Variants in ST6GALNAC3 observed in about 807,000 individuals in gnomAD.
ST6GALNAC3 encodes the protein ST6 N-acetylgalactosaminide alpha-2,6-sialyltransferase 3.
In ST6GALNAC3, 25 loss-of-function variants were observed where a neutral mutation model predicts 32.7. The observed-to-expected ratio is 0.76, with a 90% CI of 0.56 to 1.07. The LOEUF (loss-of-function observed/expected upper bound fraction) is 1.07, where lower values mean the gene tolerates loss of function less well. ST6GALNAC3 is among the 50% of genes least tolerant of loss of function. The pLI is 0.00. For synonymous variants in ST6GALNAC3, 129 were observed against 133.1 expected, an observed-to-expected ratio of 0.97 and a Z score of 0.21; for missense variants, 355 against 382.4, an observed-to-expected ratio of 0.93 and a Z score of 0.60.
chr1:76,280,430 T>C (rs1019777900), intron 1 of ST6GALNAC3, among the ~76,000 whole-genome samples: 1 of 152,202 alleles, frequency 6.6e-6, no homozygotes, highest in Admixed American at 6.5e-5. Context: ...TCTTGCATAG[T>C]ACTTTCAGCA....
At chr1:76,287,499 G>A (rs972786846) in intron 1 of ST6GALNAC3, among the ~76,000 whole-genome samples, 32 of 148,764 alleles carry the variant, frequency 2.2e-4, no homozygotes, top group Admixed American at 6.1e-4. Flanking sequence ...CTCCCCAACC[G>A]CCAAGATAAC....
intron 1 of ST6GALNAC3, among the ~76,000 whole-genome samples, chr1:76,184,400 G>A (rs1425188934): frequency 6.6e-6 from 1 of 152,078 alleles, no homozygotes; most frequent in Non-Finnish European, 1.5e-5. Context: ...TTAGCCGGGT[G>A]TGGTGGCGCA....
intron 1 of ST6GALNAC3, among the ~76,000 whole-genome samples, chr1:76,133,654 A>G (rs1293706580): frequency 1.3e-5 from 2 of 152,240 alleles, no homozygotes; most frequent in African/African-American, 2.4e-5. Flanking sequence ...CGCAGTAAGT[A>G]TCTTTGGCAA....
At chr1:76,338,357 A>G (rs1328756983) in intron 2 of ST6GALNAC3, among the ~76,000 whole-genome samples, 1 of 152,182 alleles carries the variant, frequency 6.6e-6, no homozygotes, top group Admixed American at 6.5e-5. Context: ...TTTATGCTCG[A>G]TGCAGCCAAA....
chr1:76,304,034 AAAAAG>A (rs1376418657), intron 1 of ST6GALNAC3, among the ~76,000 whole-genome samples: 4 of 152,076 alleles, frequency 2.6e-5, no homozygotes, highest in Non-Finnish European at 5.9e-5. Flanking sequence ...ATTAAGAAAA[AAAAAG>A]AAAATTGCCT....
At chr1:76,488,555 A>T (rs1037929219) in intron 3 of ST6GALNAC3, among the ~76,000 whole-genome samples, 2 of 152,236 alleles carry the variant, frequency 1.3e-5, no homozygotes, top group Non-Finnish European at 2.9e-5. Flanking sequence ...TGCTGTATTT[A>T]TACAGGCTGG....
intron 1 of ST6GALNAC3, among the ~76,000 whole-genome samples, chr1:76,177,050 A>G (rs1294198526): frequency 6.6e-6 from 1 of 152,216 alleles, no homozygotes; most frequent in Non-Finnish European, 1.5e-5. Context: ...ACTCTAGCTT[A>G]GGCAACAGAG....
chr1:76,570,905 T>C (rs1341973516), intron 3 of ST6GALNAC3, among the ~76,000 whole-genome samples: 1 of 152,054 alleles, frequency 6.6e-6, no homozygotes, highest in Non-Finnish European at 1.5e-5. Context: ...TTTGTTCATA[T>C]TCCCAGCCTG....
intron 1 of ST6GALNAC3, among the ~76,000 whole-genome samples, chr1:76,268,024 A>G (rs948316239): frequency 2.6e-5 from 4 of 152,228 alleles, no homozygotes; most frequent in South Asian, 4.1e-4. Context: ...TCCGTTCCCT[A>G]TAGGACTCAC....
rs145907086 is a variant in ST6GALNAC3 at position 76,464,434 on chromosome 1, T to C, written c.623+52017T>C. 2.8e-3 allele frequency among the ~76,000 whole-genome samples: 424 copies of C among 152,310 alleles called. 1 individual carries two copies. The highest frequency in any genetic ancestry group is 9.6e-3 in the African/African-American group (401 of 41,576). On this transcript the variant is annotated intron_variant, in intron 3 of 4. Transcript: ENST00000328299. Reference sequence around the variant, plus strand: ...ATAGGTCAGAGCCTTCATTGTTAATTACCTAGTTCACTAGGCTTTGTTACA... The same window carrying C: ...ATAGGTCAGAGCCTTCATTGTTAATCACCTAGTTCACTAGGCTTTGTTACA...
intron 2 of ST6GALNAC3, among the ~76,000 whole-genome samples, chr1:76,404,109 G>A: frequency 6.6e-6 from 1 of 151,852 alleles, no homozygotes; most frequent in East Asian, 1.9e-4. Flanking sequence ...ACATTTTTAT[G>A]CACCCCCATA....
At chr1:76,309,598 A>G (rs1038224709) in intron 1 of ST6GALNAC3, among the ~76,000 whole-genome samples, 1 of 152,142 alleles carries the variant, frequency 6.6e-6, no homozygotes, top group South Asian at 2.1e-4. Flanking sequence ...TCTGGAGCAC[A>G]CAGTGTACTT....
At chr1:76,277,590 G>GTATATATA (rs373731545) in intron 1 of ST6GALNAC3, among the ~76,000 whole-genome samples, 7 of 46,288 alleles carry the variant, frequency 1.5e-4, no homozygotes, top group South Asian at 6.0e-4. Context: ...ATGTTTATGT[G>GTATATATA]TATATATATA....
intron 2 of ST6GALNAC3, among the ~76,000 whole-genome samples, chr1:76,372,532 A>C (rs1359471): frequency 0.7 from 106,836 of 151,904 alleles, 39,245 homozygotes; most frequent in Non-Finnish European, 0.82. Context: ...TCAGTTAATG[A>C]CACCACTGTC....
chr1:76,224,405 C>A (rs1471267019), intron 1 of ST6GALNAC3, among the ~76,000 whole-genome samples: 1 of 152,102 alleles, frequency 6.6e-6, no homozygotes, highest in East Asian at 1.9e-4. Context: ...AATAAATGGG[C>A]AAAAGGATAG....
intron 2 of ST6GALNAC3, among the ~76,000 whole-genome samples, chr1:76,402,282 A>G (rs78205651): frequency 6.6e-6 from 1 of 152,128 alleles, no homozygotes; most frequent in Non-Finnish European, 1.5e-5. Flanking sequence ...TCTTCTCCTT[A>G]TTCCTAAAAT....
intron 3 of ST6GALNAC3, among the ~76,000 whole-genome samples, chr1:76,567,133 A>G (rs981619524): frequency 6.6e-6 from 1 of 152,236 alleles, no homozygotes; most frequent in Non-Finnish European, 1.5e-5. Context: ...AGAAAGCAAA[A>G]GAGTATTTTT....
At chr1:76,360,890 G>A (rs1649875171) in intron 2 of ST6GALNAC3, among the ~76,000 whole-genome samples, 1 of 152,072 alleles carries the variant, frequency 6.6e-6, no homozygotes. Context: ...TTCCTTTCAT[G>A]TATTCCTGTT....
chr1:76,182,718 C>T (rs536712084), intron 1 of ST6GALNAC3, among the ~76,000 whole-genome samples: 4 of 152,174 alleles, frequency 2.6e-5, no homozygotes, highest in South Asian at 4.1e-4. Flanking sequence ...ATAAACAAAG[C>T]GATTTTTTAA....
Sources: gnomAD v4.1 joint callset for allele counts (sites outside exome capture counted in the v4.1 genomes callset) on GRCh38, gnomAD v4.1.1 for gene constraint, MANE v1.5 for transcripts, NCBI Gene and HGNC (gene_info 2026-07-23, HGNC 2026-07-21) for gene names.